The following PPP1R21 variants were observed in gnomAD, a reference collection of about 807,000 sequenced individuals.
The protein encoded by PPP1R21 is KLRAQ motif containing 1.
In PPP1R21, 85 loss-of-function variants were observed where a neutral mutation model predicts 112.8. The observed-to-expected ratio is 0.75, with a 90% CI of 0.63 to 0.90. The LOEUF is 0.90. Among genes scored for constraint, PPP1R21 ranks in the 40% least tolerant of loss-of-function variants. The probability of loss-of-function intolerance (pLI) is 0.00; values close to 1 mark genes in which losing one functional copy is unlikely to be tolerated. For synonymous variants in PPP1R21, 381 were observed against 322.3 expected (o/e 1.18, Z -1.95); for missense variants, 1,199 against 901.5 (o/e 1.33, Z -4.23).
intron 9 of PPP1R21, among the ~76,000 whole-genome samples, chr2:48,469,674 C>A (rs1046750516): frequency 6.7e-6 from 1 of 149,028 alleles, no homozygotes; most frequent in African/African-American, 2.5e-5. Flanking sequence ...CATGTTATAC[C>A]CACATAGTGA....
chr2:48,454,263 A>AAAATAAAT (rs369243414), intron 2 of PPP1R21, among the ~76,000 whole-genome samples: 11,302 of 151,332 alleles, frequency 0.075, 569 homozygotes, highest in Non-Finnish European at 0.11. Flanking sequence ...TCTGTCTCAA[A>AAAATAAAT]AAATAAATAA....
intron 9 of PPP1R21, among the ~76,000 whole-genome samples, chr2:48,470,870 G>C (rs917527723): frequency 7.9e-5 from 12 of 152,186 alleles, no homozygotes; most frequent in African/African-American, 2.9e-4. Flanking sequence ...GGACTTGGGG[G>C]TATCATCTGG....
chr2:48,487,372 T>G (rs373644270), intron 14 of PPP1R21, among the ~76,000 whole-genome samples: 1 of 152,210 alleles, frequency 6.6e-6, no homozygotes, highest in South Asian at 2.1e-4. Context: ...CTTCAACATG[T>G]GTCTTTTCGT....
chr2:48,450,327 C>A (rs941049790), intron 1 of PPP1R21, among the ~76,000 whole-genome samples: 2 of 152,140 alleles, frequency 1.3e-5, no homozygotes, highest in Non-Finnish European at 2.9e-5. Context: ...AATTAGAGTA[C>A]CCACTTCACA....
At chr2:48,441,452 C>T (rs1667028383) in intron 1 of PPP1R21, 1 of 230,460 alleles carries the variant, frequency 4.3e-6, no homozygotes, top group Non-Finnish European at 9.3e-6. Flanking sequence ...TTTATCTTCC[C>T]CCGAATCAAT....
intron 13 of PPP1R21, among the ~76,000 whole-genome samples, chr2:48,484,395 A>G (rs987886024): frequency 6.6e-6 from 1 of 152,230 alleles, no homozygotes; most frequent in Non-Finnish European, 1.5e-5. Flanking sequence ...TGGGAAACAT[A>G]AAAGGAAAAA....
intron 17 of PPP1R21, among the ~76,000 whole-genome samples, chr2:48,501,508 T>C (rs547618335): frequency 1.3e-4 from 20 of 152,312 alleles, no homozygotes; most frequent in African/African-American, 4.1e-4. Context: ...ATTTCATAGT[T>C]GAGGAAACCA....
chr2:48,486,487 A>C, intron 13 of PPP1R21, 144 bp from the exon 14 acceptor site: 1 of 586,510 alleles, frequency 1.7e-6, no homozygotes, highest in Non-Finnish European at 3.0e-6. Context: ...ATTGATACTC[A>C]GTGCAATCCT....
intron 3 of PPP1R21, among the ~76,000 whole-genome samples, chr2:48,457,190 G>A (rs953798790): frequency 7.9e-5 from 12 of 152,180 alleles, no homozygotes; most frequent in African/African-American, 2.9e-4. Context: ...GTAATATTGA[G>A]AATTAATTTT....
At chr2:48,489,028 C>T (rs555432854) in intron 14 of PPP1R21, among the ~76,000 whole-genome samples, 1 of 152,220 alleles carries the variant, frequency 6.6e-6, no homozygotes, top group South Asian at 2.1e-4. Context: ...TACTACCTAA[C>T]GTAGAATTTC....
At chr2:48,442,649 GA>G (rs1224478964) in intron 1 of PPP1R21, among the ~76,000 whole-genome samples, 1 of 152,156 alleles carries the variant, frequency 6.6e-6, no homozygotes, top group Non-Finnish European at 1.5e-5. Flanking sequence ...TGGGACTACC[GA>G]AGACATTGGA....
At chr2:48,479,146 A>C (rs74592890) in intron 12 of PPP1R21, among the ~76,000 whole-genome samples, 1 of 152,212 alleles carries the variant, frequency 6.6e-6, no homozygotes, top group East Asian at 1.9e-4. Context: ...TCTTAGGAGT[A>C]GGGGCTGGGT....
chr2:48,508,422 A>C (rs1037217581), intron 19 of PPP1R21, among the ~76,000 whole-genome samples: 3 of 152,210 alleles, frequency 2.0e-5, no homozygotes, highest in Non-Finnish European at 2.9e-5. Flanking sequence ...CTAAAAGTGA[A>C]GAGGGGCTTT....
chr2:48,499,158 A>G (rs1466501815), intron 17 of PPP1R21, among the ~76,000 whole-genome samples: 1 of 152,078 alleles, frequency 6.6e-6, no homozygotes, highest in Non-Finnish European at 1.5e-5. Context: ...CACGCAGGCC[A>G]CAGTAACCAT....
At chr2:48,495,001 C>T (rs777104139) in intron 15 of PPP1R21, among the ~76,000 whole-genome samples, 4 of 152,286 alleles carry the variant, frequency 2.6e-5, no homozygotes, top group South Asian at 2.1e-4. Flanking sequence ...CCACCACTCC[C>T]GGCCAATTTT....
At chr2:48,486,555 A>G in intron 13 of PPP1R21, 76 bp from the exon 14 acceptor site, 2 of 1,100,592 alleles carry the variant, frequency 1.8e-6, no homozygotes, top group South Asian at 1.4e-5. Context: ...AATAGATAGG[A>G]GAAGTGAATG....
At chr2:48,458,602 T>A (rs1323068419) in intron 4 of PPP1R21, among the ~76,000 whole-genome samples, 2 of 149,112 alleles carry the variant, frequency 1.3e-5, no homozygotes, top group African/African-American at 5.0e-5. Flanking sequence ...TTTTAACTGA[T>A]GTTTAGTTTT....
At chr2:48,470,760 G>T (rs1668463182) in intron 9 of PPP1R21, among the ~76,000 whole-genome samples, 4 of 152,094 alleles carry the variant, frequency 2.6e-5, no homozygotes, top group African/African-American at 9.7e-5. Flanking sequence ...CTGACCTGTT[G>T]GTCCTAGGTT....
chr2:48,499,829 A>T (rs1230302079), intron 17 of PPP1R21, among the ~76,000 whole-genome samples: 1 of 152,254 alleles, frequency 6.6e-6, no homozygotes, highest in Admixed American at 6.5e-5. Flanking sequence ...ACTTTAAAAA[A>T]TGTTTTCTAA....
Sources: allele counts gnomAD v4.1 joint callset (sites outside exome capture counted in the v4.1 genomes callset), GRCh38; gene constraint gnomAD v4.1.1; transcripts MANE v1.5; gene names NCBI Gene and HGNC (gene_info 2026-07-23, HGNC 2026-07-21).